Variants in CNIH3 observed in about 807,000 individuals in gnomAD.
CNIH3 encodes the protein cornichon family AMPA receptor auxiliary protein 3, also known as protein cornichon homolog 3.
CNIH3 carries 14 observed loss-of-function variants against 24.1 expected under a neutral mutation model. The observed-to-expected ratio is 0.58, with a 90% CI of 0.38 to 0.91. The LOEUF is 0.91. Ranked by LOEUF, CNIH3 falls within the 40% of genes least tolerant of loss-of-function variation. The probability of loss-of-function intolerance (pLI) is 0.00; values close to 1 mark genes in which losing one functional copy is unlikely to be tolerated. For synonymous variants in CNIH3, 68 were observed against 73.8 expected (o/e 0.92, Z 0.40); for missense variants, 178 against 196.8 (o/e 0.90, Z 0.57).
At chr1:224,450,322 G>C (rs1169402084) in intron 1 of CNIH3, among the ~76,000 whole-genome samples, 1 of 152,202 alleles carries the variant, frequency 6.6e-6, no homozygotes, top group Non-Finnish European at 1.5e-5. Context: ...CAGGTGGTGT[G>C]ACGGTATGAT....
At chr1:224,647,267 G>A (rs1426434776) in intron 1 of CNIH3, among the ~76,000 whole-genome samples, 1 of 152,234 alleles carries the variant, frequency 6.6e-6, no homozygotes, top group Non-Finnish European at 1.5e-5. Flanking sequence ...ATAGGCGTGA[G>A]GCACTGTGCC....
chr1:224,648,726 C>G (rs190829354), intron 1 of CNIH3, among the ~76,000 whole-genome samples: 40 of 152,230 alleles, frequency 2.6e-4, no homozygotes, highest in African/African-American at 8.9e-4. Flanking sequence ...AAGGAACAAC[C>G]TGTAAGGCCT....
rs549280527 is a variant in CNIH3, at chr1:224,661,818, A to G, written c.82-19140A>G. On this transcript the variant is annotated intron_variant, in intron 1 of 5. Coordinates refer to ENST00000272133, the MANE Select transcript of CNIH3 (RefSeq NM_152495.2). Reference sequence around the variant, plus strand: ...GGTGCCACTTCAGTGCCAGTTTCTGATATGTCATTTTAATATCCTCCGGTA... The same window carrying G: ...GGTGCCACTTCAGTGCCAGTTTCTGGTATGTCATTTTAATATCCTCCGGTA... 3.3e-5 allele frequency: 7 copies of G among 213,336 alleles called. No individual in the cohort carries two copies. In the South Asian group the frequency reaches 5.4e-4, roughly 16 times the overall value. The allele number at this position is 213,336 out of a possible 1,614,324, so 13.2% of individuals were successfully genotyped here. A position where few individuals can be genotyped will look rare whatever the true frequency, so the allele number is the denominator to read the frequency against.
intron 3 of CNIH3, among the ~76,000 whole-genome samples, chr1:224,558,523 A>G (rs1434896251): frequency 1.3e-5 from 2 of 152,184 alleles, no homozygotes; most frequent in African/African-American, 2.4e-5. Context: ...AAGCAATAAT[A>G]AAACTAATGA....
chr1:224,554,778 G>T (rs116577274), intron 3 of CNIH3, among the ~76,000 whole-genome samples: 3,585 of 151,884 alleles, frequency 0.024, 142 homozygotes, highest in African/African-American at 0.081. Context: ...GTAGAGATGG[G>T]GTCTCACTAT....
At chr1:224,515,453 T>A (rs994481434), upstream of CNIH3, among the ~76,000 whole-genome samples, 1 of 152,234 alleles carries the variant, frequency 6.6e-6, no homozygotes, top group East Asian at 1.9e-4. Context: ...TAGGGTTAGA[T>A]TCCTCATTAG....
chr1:224,726,730 G>A (rs546516847), intron 3 of CNIH3, among the ~76,000 whole-genome samples: 17 of 152,236 alleles, frequency 1.1e-4, no homozygotes, highest in Admixed American at 9.1e-4. Flanking sequence ...CAGTCTTTCA[G>A]TAATCCCACA....
In CNIH3 at chr1:224,451,900, T is replaced by C. The variant is rs183336790; in HGVS notation, n.203+17038T>C. On this transcript the variant is annotated intron_variant and non_coding_transcript_variant, in intron 1 of 5. Transcript: ENST00000471578. ...CACATAGGAATCTGGACTTCTGGTT[T>C]CTCTTCAAAGACTTGGATCCACACT... 3.6e-3 allele frequency among the ~76,000 whole-genome samples: 541 copies of C among 152,176 alleles called. 4 individuals are homozygous for C. The highest frequency in any genetic ancestry group is 0.012 in the African/African-American group (507 of 41,500).
chr1:224,556,463 T>C (rs926424236), intron 3 of CNIH3, among the ~76,000 whole-genome samples: 2 of 152,176 alleles, frequency 1.3e-5, no homozygotes, highest in African/African-American at 2.4e-5. Context: ...CTTTCTTCCA[T>C]AGATTCCCTC....
At chr1:224,720,448 C>A (rs1307022056) in intron 3 of CNIH3, among the ~76,000 whole-genome samples, 2 of 152,040 alleles carry the variant, frequency 1.3e-5, no homozygotes, top group African/African-American at 2.4e-5. Flanking sequence ...CTGTAGCAGG[C>A]AGTGGAAGTG....
chr1:224,554,105 A>G (rs542146050), intron 3 of CNIH3, among the ~76,000 whole-genome samples: 2 of 152,268 alleles, frequency 1.3e-5, no homozygotes, highest in South Asian at 4.1e-4. Flanking sequence ...TCTGAACGTA[A>G]TGCCTGGGCC....
At chr1:224,673,454 A>C (rs921455227) in intron 1 of CNIH3, among the ~76,000 whole-genome samples, 2 of 151,926 alleles carry the variant, frequency 1.3e-5, no homozygotes, top group African/African-American at 2.4e-5. Context: ...TGCCAAGCTT[A>C]TTTCCTGCTT....
intron 1 of CNIH3, among the ~76,000 whole-genome samples, chr1:224,622,202 G>A (rs1683315005): frequency 6.6e-6 from 1 of 152,204 alleles, no homozygotes; most frequent in Non-Finnish European, 1.5e-5. Context: ...GCTTCTTAAG[G>A]ACTACTTTCT....
At chr1:224,636,388 G>T (rs945592574) in intron 1 of CNIH3, among the ~76,000 whole-genome samples, 2 of 152,114 alleles carry the variant, frequency 1.3e-5, no homozygotes, top group Non-Finnish European at 2.9e-5. Flanking sequence ...ACCTAGAGAG[G>T]TAAAGTGACT....
chr1:224,600,274 C>T (rs1421987182), intron 3 of CNIH3, among the ~76,000 whole-genome samples: 2 of 151,612 alleles, frequency 1.3e-5, no homozygotes, highest in Non-Finnish European at 2.9e-5. Context: ...ACCGCAACCT[C>T]CACCTCCCAG....
intron 3 of CNIH3, among the ~76,000 whole-genome samples, chr1:224,709,385 A>G (rs1572776192): frequency 6.6e-6 from 1 of 152,136 alleles, no homozygotes; most frequent in Admixed American, 6.5e-5. Flanking sequence ...TATCACACTT[A>G]CCCACCTCTC....
At chr1:224,668,715 G>T (rs897516906) in intron 1 of CNIH3, among the ~76,000 whole-genome samples, 1 of 152,108 alleles carries the variant, frequency 6.6e-6, no homozygotes, top group Non-Finnish European at 1.5e-5. Context: ...TGTGTGGAAG[G>T]TCACCAAACA....
intron 3 of CNIH3, among the ~76,000 whole-genome samples, chr1:224,702,816 A>G (rs1327084584): frequency 5.3e-5 from 8 of 152,090 alleles, no homozygotes; most frequent in Non-Finnish European, 1.2e-4. Context: ...AGACACCAAG[A>G]TCCTAACTTC....
intron 3 of CNIH3, among the ~76,000 whole-genome samples, chr1:224,691,063 A>G (rs1686908093): frequency 6.6e-6 from 1 of 152,202 alleles, no homozygotes; most frequent in Admixed American, 6.5e-5. Context: ...TGGATATGAC[A>G]CTTTCCCAGT....
Sources: allele counts gnomAD v4.1 joint callset (sites outside exome capture counted in the v4.1 genomes callset), GRCh38; gene constraint gnomAD v4.1.1; transcripts MANE v1.5; gene names NCBI Gene and HGNC (gene_info 2026-07-23, HGNC 2026-07-21).